The following LIPA variants were observed in gnomAD, a reference collection of about 807,000 sequenced individuals.
The protein encoded by LIPA is lipase A, lysosomal acid type.
In LIPA, 26 loss-of-function variants were observed where a neutral mutation model predicts 40.6. The observed-to-expected ratio is 0.64, with a 90% confidence interval of 0.47 to 0.89. The LOEUF (loss-of-function observed/expected upper bound fraction) is 0.89. Among genes scored for constraint, LIPA ranks in the 40% least tolerant of loss-of-function variants. The probability of loss-of-function intolerance (pLI) is 0.00; values close to 1 mark genes in which losing one functional copy is unlikely to be tolerated. For missense variants in LIPA, 455 were observed against 479.6 expected (o/e 0.95, Z 0.48); for synonymous variants, 188 against 168.4 (o/e 1.12, Z -0.90).
intron 2 of LIPA, among the ~76,000 whole-genome samples, chr10:89,373,988 C>T (rs1646551740): frequency 1.3e-5 from 2 of 152,184 alleles, no homozygotes; most frequent in Admixed American, 1.3e-4. Context: ...AATACTCATG[C>T]CTGGGCTTCA....
intron 2 of LIPA, chr10:89,403,290 T>C: frequency 6.2e-7 from 1 of 1,614,126 alleles, no homozygotes; most frequent in Non-Finnish European, 8.5e-7. Flanking sequence ...AAAGCCCACA[T>C]TTGAGGTGGC....
At chr10:89,271,870 C>A (rs58158399) in intron 1 of LIPA, among the ~76,000 whole-genome samples, 1,562 of 151,884 alleles carry the variant, frequency 0.01, 34 homozygotes, top group African/African-American at 0.036. Flanking sequence ...TGAGACCAGC[C>A]TGGACAACAT....
intron 2 of LIPA, among the ~76,000 whole-genome samples, chr10:89,364,969 A>G (rs948894441): frequency 6.6e-5 from 10 of 152,226 alleles, no homozygotes; most frequent in Non-Finnish European, 1.3e-4. Flanking sequence ...AAGAAGCCAT[A>G]ACATCTACCT....
chr10:89,249,483 A>G (rs1240444615), intron 1 of LIPA, among the ~76,000 whole-genome samples: 1 of 152,262 alleles, frequency 6.6e-6, no homozygotes, highest in Non-Finnish European at 1.5e-5. Context: ...TGGGTGTAAT[A>G]GACAAAAACT....
chr10:89,374,649 T>C (rs1020130496), intron 2 of LIPA, among the ~76,000 whole-genome samples: 19 of 152,210 alleles, frequency 1.2e-4, no homozygotes, highest in African/African-American at 4.6e-4. Context: ...TATGTTTCTA[T>C]CCCTTTTAGA....
At chr10:89,250,098 C>CTTTCTTTTTTTTTTTTTTT (rs1564767178) in intron 1 of LIPA, among the ~76,000 whole-genome samples, 21 of 101,674 alleles carry the variant, frequency 2.1e-4, no homozygotes, top group South Asian at 7.8e-4. Context: ...TTTTTCTTTT[C>CTTTCTTTTTTTTTTTTTTT]TTTTCTTTCT....
chr10:89,413,139 G>A (rs973998534), intron 1 of LIPA, among the ~76,000 whole-genome samples: 1 of 152,118 alleles, frequency 6.6e-6, no homozygotes, highest in African/African-American at 2.4e-5. Flanking sequence ...GTTTGCTGAG[G>A]ATAATCACTG....
At chr10:89,314,999 A>C (rs1843534637) in intron 1 of LIPA, among the ~76,000 whole-genome samples, 1 of 152,232 alleles carries the variant, frequency 6.6e-6, no homozygotes, top group Non-Finnish European at 1.5e-5. Context: ...AACATGCATG[A>C]TATAATCTCC....
In LIPA at chr10:89,313,733, G is replaced by A. The variant is rs941362283; in HGVS notation, c.-2+28878C>T. The stretch of plus-strand genomic sequence containing the variant: ...ATAAGTGAAGTACTTACTGATACAT[G>A]ATACAACACAGATGAACCTTGAAAA... On this transcript the variant is annotated intron_variant, in intron 1 of 5. Transcript: ENST00000282673. Among the ~76,000 whole-genome samples, 10 of 152,342 alleles carry A rather than the reference G, an allele frequency of 6.6e-5. No individual in the cohort carries two copies. In the East Asian group the frequency reaches 1.9e-3, roughly 29 times the overall value.
At chr10:89,370,933 G>A (rs183849449) in intron 2 of LIPA, among the ~76,000 whole-genome samples, 1 of 152,190 alleles carries the variant, frequency 6.6e-6, no homozygotes, top group Non-Finnish European at 1.5e-5. Flanking sequence ...CAGAAGAATT[G>A]CTTGAACCCA....
At chr10:89,241,035 C>T (rs1340329877) in intron 3 of LIPA, among the ~76,000 whole-genome samples, 1 of 152,122 alleles carries the variant, frequency 6.6e-6, no homozygotes, top group Non-Finnish European at 1.5e-5. Flanking sequence ...GAGAAAAACA[C>T]AGAGGACTAT....
At chr10:89,307,087 T>G (rs768098655) in intron 1 of LIPA, 3 of 1,613,964 alleles carry the variant, frequency 1.9e-6, no homozygotes, top group Non-Finnish European at 2.5e-6. Flanking sequence ...ATCTGCGGTA[T>G]GGCAACTTTC....
intron 1 of LIPA, chr10:89,335,651 C>A (rs1843726051): frequency 6.7e-6 from 1 of 149,210 alleles, no homozygotes; most frequent in Non-Finnish European, 1.5e-5. Flanking sequence ...CACCTGTCAT[C>A]CTGCAGGTCC....
intron 1 of LIPA, among the ~76,000 whole-genome samples, chr10:89,330,983 C>G (rs1843643551): frequency 6.6e-6 from 1 of 151,468 alleles, no homozygotes; most frequent in South Asian, 2.1e-4. Flanking sequence ...ATACAATAAT[C>G]AGAAGGCTCA....
At chr10:89,375,960 G>T (rs1844118000) in intron 2 of LIPA, among the ~76,000 whole-genome samples, 1 of 152,026 alleles carries the variant, frequency 6.6e-6, no homozygotes, top group African/African-American at 2.4e-5. Context: ...GCCAACACAG[G>T]TGCATCACCT....
chr10:89,344,792 A>C (rs1843904405), upstream of LIPA, among the ~76,000 whole-genome samples: 1 of 152,248 alleles, frequency 6.6e-6, no homozygotes, highest in Non-Finnish European at 1.5e-5. Flanking sequence ...CATAATACAA[A>C]ATCAAAGAAT....
At chr10:89,236,034 A>G (rs1045709547) in intron 3 of LIPA, among the ~76,000 whole-genome samples, 3 of 152,214 alleles carry the variant, frequency 2.0e-5, no homozygotes, top group Non-Finnish European at 4.4e-5. Context: ...GAGAAAAACT[A>G]ACAGACCAAC....
At chr10:89,340,610 C>A (rs1698791389) in intron 1 of LIPA, 1 of 146,590 alleles carries the variant, frequency 6.8e-6, no homozygotes, top group Non-Finnish European at 1.5e-5. Flanking sequence ...CATTATAGTT[C>A]ATTACAGTTA....
chr10:89,227,876 G>C (rs1423464904), intron 4 of LIPA, among the ~76,000 whole-genome samples: 1 of 152,208 alleles, frequency 6.6e-6, no homozygotes, highest in African/African-American at 2.4e-5. Flanking sequence ...AAGAAGAAAA[G>C]TGAACATCTG....
Sources: gnomAD v4.1 joint callset for allele counts (sites outside exome capture counted in the v4.1 genomes callset) on GRCh38, gnomAD v4.1.1 for gene constraint, MANE v1.5 for transcripts, NCBI Gene and HGNC (gene_info 2026-07-23, HGNC 2026-07-21) for gene names.